GABRG3: variants seen among roughly 807,000 people sequenced by gnomAD.
GABRG3 encodes the protein gamma-aminobutyric acid receptor subunit gamma-3.
In GABRG3, 25 loss-of-function variants were observed where a neutral mutation model predicts 48.8. The observed-to-expected ratio is 0.51, with a 90% confidence interval of 0.37 to 0.72. GABRG3 has a LOEUF of 0.72. GABRG3 is among the 30% of genes least tolerant of loss of function. The pLI is 0.00. For missense variants in GABRG3, 394 were observed against 577.9 expected, an observed-to-expected ratio of 0.68 and a Z score of 3.26; for synonymous variants, 227 against 217.6, an observed-to-expected ratio of 1.04 and a Z score of -0.38.
At chr15:27,429,574 A>G (rs555608119) in intron 5 of GABRG3, among the ~76,000 whole-genome samples, 1 of 152,316 alleles carries the variant, frequency 6.6e-6, no homozygotes, top group Non-Finnish European at 1.5e-5. Context: ...ATACATATTA[A>G]CTTCCCATTC....
intron 7 of GABRG3, among the ~76,000 whole-genome samples, chr15:27,526,724 T>A (rs3101634): frequency 2.6e-4 from 40 of 152,060 alleles, no homozygotes; most frequent in African/African-American, 8.9e-4. Flanking sequence ...TAAAATAGTC[T>A]AAGTCAAACC....
chr15:27,227,192 G>T (rs1192595115), intron 3 of GABRG3, among the ~76,000 whole-genome samples: 1 of 152,146 alleles, frequency 6.6e-6, no homozygotes, highest in African/African-American at 2.4e-5. Flanking sequence ...AATTAATTAA[G>T]AAATAAAAAC....
At chr15:27,195,104 CTTT>C (rs1461337468) in intron 3 of GABRG3, among the ~76,000 whole-genome samples, 1 of 150,670 alleles carries the variant, frequency 6.6e-6, no homozygotes, top group Non-Finnish European at 1.5e-5. Context: ...ATTTTCTGAG[CTTT>C]TTCATTTAGG....
At chr15:27,186,862 A>G (rs1299355335) in intron 3 of GABRG3, among the ~76,000 whole-genome samples, 1 of 151,962 alleles carries the variant, frequency 6.6e-6, no homozygotes, top group Admixed American at 6.6e-5. Context: ...TTGATTTCCC[A>G]TTCCATAGGT....
At chr15:27,326,706 G>A (rs1893626464) in intron 3 of GABRG3, 103 bp from the exon 4 acceptor site, 1 of 873,540 alleles carries the variant, frequency 1.1e-6, no homozygotes, top group African/African-American at 1.7e-5. Context: ...TTGGGGAGGT[G>A]AGGATGTCAA....
At chr15:27,438,131 T>G (rs976764112) in intron 5 of GABRG3, among the ~76,000 whole-genome samples, 1 of 152,150 alleles carries the variant, frequency 6.6e-6, no homozygotes, top group Non-Finnish European at 1.5e-5. Flanking sequence ...CAAGATGGGC[T>G]GCTGAAGGAG....
intron 3 of GABRG3, among the ~76,000 whole-genome samples, chr15:27,255,563 A>G (rs911840287): frequency 6.6e-6 from 1 of 152,186 alleles, no homozygotes; most frequent in Non-Finnish European, 1.5e-5. Context: ...ATCTTTTCAA[A>G]TGGCAGCTTG....
intron 3 of GABRG3, among the ~76,000 whole-genome samples, chr15:27,078,110 G>C (rs1896938804): frequency 1.3e-5 from 2 of 152,160 alleles, no homozygotes; most frequent in Admixed American, 1.3e-4. Flanking sequence ...CGGATAGTTG[G>C]TCAAATATTA....
intron 3 of GABRG3, among the ~76,000 whole-genome samples, chr15:27,039,008 T>A (rs545539179): frequency 5.9e-5 from 9 of 152,108 alleles, no homozygotes; most frequent in Admixed American, 3.9e-4. Flanking sequence ...TCAGGACTAT[T>A]GCAAAAAAGA....
rs375025953 is a variant in GABRG3, at chr15:27,364,099, T to C, written c.574+35211T>C. ...TACCGAAACACAAGGTATCATGGTA[T>C]GTACATGTAATTGTGCAGTGACTTC... is the stretch of plus-strand genomic sequence containing the variant. On this transcript the variant is annotated intron_variant, in intron 5 of 9. Coordinates refer to ENST00000615808, the MANE Select transcript of GABRG3 (RefSeq NM_033223.5). 13 of 152,368 alleles carry C rather than the reference T, an allele frequency of 8.5e-5. No homozygotes were observed. In the East Asian group the frequency reaches 1.7e-3, roughly 20 times the overall value. The allele number at this position is 152,368 out of a possible 1,614,324, so 9.4% of individuals were successfully genotyped here. A position where few individuals can be genotyped will look rare whatever the true frequency, so the allele number is the denominator to read the frequency against.
At chr15:27,391,292 C>A (rs1267440732) in intron 5 of GABRG3, among the ~76,000 whole-genome samples, 1 of 152,022 alleles carries the variant, frequency 6.6e-6, no homozygotes, top group Non-Finnish European at 1.5e-5. Flanking sequence ...GGCATCTAGA[C>A]AACTTTAAAT....
chr15:27,504,437 G>T (rs1890716093), intron 6 of GABRG3, among the ~76,000 whole-genome samples: 1 of 151,992 alleles, frequency 6.6e-6, no homozygotes, highest in African/African-American at 2.4e-5. Flanking sequence ...ACTTACCACA[G>T]GGTACCCTTA....
intron 3 of GABRG3, among the ~76,000 whole-genome samples, chr15:27,152,861 A>ATTTTT (rs1187163963): frequency 7.2e-6 from 1 of 139,024 alleles, no homozygotes; most frequent in African/African-American, 2.7e-5. Context: ...TTTCGAGTTA[A>ATTTTT]TTTTTTTTTT....
chr15:27,062,239 C>T (rs921918715), intron 3 of GABRG3, among the ~76,000 whole-genome samples: 12 of 151,820 alleles, frequency 7.9e-5, no homozygotes, highest in African/African-American at 2.2e-4. Flanking sequence ...GAGCTGGCTC[C>T]GCTGTGCTTA....
intron 3 of GABRG3, among the ~76,000 whole-genome samples, chr15:27,134,505 G>A (rs537131997): frequency 6.6e-6 from 1 of 152,214 alleles, no homozygotes; most frequent in East Asian, 1.9e-4. Context: ...GGCTTCTGGG[G>A]GCTCTGCAGT....
At chr15:27,071,124 G>A (rs1427176095) in intron 3 of GABRG3, among the ~76,000 whole-genome samples, 1 of 152,206 alleles carries the variant, frequency 6.6e-6, no homozygotes, top group East Asian at 1.9e-4. Context: ...GAGAGAGAAT[G>A]CAAAGTGGGA....
chr15:27,388,249 GGAAGGAAGGAAAGGAGGGAGGGAGGGT>G (rs1896066986), intron 5 of GABRG3, among the ~76,000 whole-genome samples: 1 of 41,422 alleles, frequency 2.4e-5, no homozygotes, highest in Non-Finnish European at 4.6e-5. Context: ...AGGGAGGAAA[GGAAGGAAGGAAAGGAGGGAGGGAGGGT>G]AAGGAAGGAA....
intron 5 of GABRG3, among the ~76,000 whole-genome samples, chr15:27,359,102 C>T (rs934249703): frequency 4.6e-5 from 7 of 152,198 alleles, no homozygotes; most frequent in African/African-American, 1.4e-4. Context: ...CTAAGGTGGC[C>T]TCTCCCTTCT....
intron 3 of GABRG3, among the ~76,000 whole-genome samples, chr15:27,251,312 A>C (rs1202281601): frequency 1.3e-5 from 2 of 152,096 alleles, no homozygotes; most frequent in Non-Finnish European, 2.9e-5. Flanking sequence ...ATCCCAAGCA[A>C]CAGACACCTG....
Sources: gnomAD v4.1 joint callset for allele counts (sites outside exome capture counted in the v4.1 genomes callset) on GRCh38, gnomAD v4.1.1 for gene constraint, MANE v1.5 for transcripts, NCBI Gene and HGNC (gene_info 2026-07-23, HGNC 2026-07-21) for gene names.